The following MGAT4C variants were observed in gnomAD, a reference collection of about 807,000 sequenced individuals.
MGAT4C encodes the protein alpha-1,3-mannosyl-glycoprotein 4-beta-N-acetylglucosaminyltransferase C.
A neutral mutation model predicts 40.1 loss-of-function variants in MGAT4C; 19 were observed. The ratio of observed to expected loss-of-function variants is 0.47; its 90% confidence interval spans 0.33 to 0.70. The LOEUF (loss-of-function observed/expected upper bound fraction) is 0.70. Ranked by LOEUF, MGAT4C falls within the 30% of genes least tolerant of loss-of-function variation. The pLI, the probability that MGAT4C is intolerant of heterozygous loss-of-function variation, is 0.02. For missense variants in MGAT4C, 491 were observed against 563.2 expected (o/e 0.87, Z 1.30); for synonymous variants, 181 against 187.1 (o/e 0.97, Z 0.27).
At chr12:86,563,886 A>G (rs1959975714) in intron 2 of MGAT4C, among the ~76,000 whole-genome samples, 1 of 152,162 alleles carries the variant, frequency 6.6e-6, no homozygotes, top group Non-Finnish European at 1.5e-5. Flanking sequence ...CCAGTGCCAG[A>G]ATGCATAATT....
chr12:86,112,322 C>A (rs1012006512), intron 1 of MGAT4C, among the ~76,000 whole-genome samples: 1 of 151,096 alleles, frequency 6.6e-6, no homozygotes, highest in Non-Finnish European at 1.5e-5. Context: ...CCCCCCCACC[C>A]TTTTTTTTGT....
At chr12:86,089,711 A>C (rs1872541612) in intron 1 of MGAT4C, among the ~76,000 whole-genome samples, 1 of 150,540 alleles carries the variant, frequency 6.6e-6, no homozygotes, top group Non-Finnish European at 1.5e-5. Flanking sequence ...ATTAATAACC[A>C]TTTTTTTTGC....
At chr12:86,452,240 G>T (rs969029607) in intron 2 of MGAT4C, among the ~76,000 whole-genome samples, 1 of 150,638 alleles carries the variant, frequency 6.6e-6, no homozygotes, top group South Asian at 2.1e-4. Context: ...GAGTTCTAGG[G>T]TACATGTGCA....
intron 2 of MGAT4C, among the ~76,000 whole-genome samples, chr12:86,720,686 C>T (rs553411257): frequency 6.6e-5 from 10 of 152,164 alleles, no homozygotes; most frequent in South Asian, 4.1e-4. Context: ...ACATGATTTA[C>T]GACCTTAAGG....
chr12:86,747,976 T>A (rs568698719), intron 1 of MGAT4C, among the ~76,000 whole-genome samples: 1 of 151,690 alleles, frequency 6.6e-6, no homozygotes, highest in Non-Finnish European at 1.5e-5. Context: ...ACAATTAATG[T>A]CAAGAAAGCT....
At chr12:86,517,975 A>C (rs1220668105) in intron 2 of MGAT4C, among the ~76,000 whole-genome samples, 2 of 152,022 alleles carry the variant, frequency 1.3e-5, no homozygotes, top group Non-Finnish European at 2.9e-5. Flanking sequence ...TGGTGGTGAG[A>C]CAGTGGGGTA....
chr12:86,020,575 A>C (rs991689855), intron 2 of MGAT4C, among the ~76,000 whole-genome samples: 1 of 152,204 alleles, frequency 6.6e-6, no homozygotes, highest in Non-Finnish European at 1.5e-5. Flanking sequence ...CACTTTACAC[A>C]AACATTAATT....
chr12:85,995,662 C>T (rs911633869), intron 2 of MGAT4C, among the ~76,000 whole-genome samples: 3 of 152,060 alleles, frequency 2.0e-5, no homozygotes, highest in African/African-American at 7.2e-5. Flanking sequence ...GAGCCCAGGA[C>T]ATTGAGACCA....
chr12:86,769,515 G>A (rs570503054), intron 1 of MGAT4C, among the ~76,000 whole-genome samples: 2 of 152,142 alleles, frequency 1.3e-5, no homozygotes, highest in Non-Finnish European at 2.9e-5. Flanking sequence ...CCGTTATTGG[G>A]TATATACCCA....
intron 1 of MGAT4C, among the ~76,000 whole-genome samples, chr12:86,736,287 T>C: frequency 6.6e-6 from 1 of 151,756 alleles, no homozygotes; most frequent in Admixed American, 6.6e-5. Flanking sequence ...ATATGTCTTA[T>C]AATTTTCTAT....
chr12:86,018,322 C>T (rs1889301079), intron 2 of MGAT4C, among the ~76,000 whole-genome samples: 1 of 152,188 alleles, frequency 6.6e-6, no homozygotes, highest in South Asian at 2.1e-4. Context: ...CAGTAAATTA[C>T]ATTCCCCAAA....
chr12:86,450,512 T>C (rs1465728792), intron 2 of MGAT4C, among the ~76,000 whole-genome samples: 1 of 152,150 alleles, frequency 6.6e-6, no homozygotes, highest in African/African-American at 2.4e-5. Context: ...ATTTTTACCA[T>C]AGTTCAATTT....
chr12:86,791,277 TCAA>T (rs1478599815), intron 1 of MGAT4C, among the ~76,000 whole-genome samples: 4 of 152,086 alleles, frequency 2.6e-5, no homozygotes, highest in Non-Finnish European at 5.9e-5. Flanking sequence ...AAGGAGCTAC[TCAA>T]CAACAACTAG....
chr12:86,774,411 C>T (rs1215327205), intron 1 of MGAT4C, among the ~76,000 whole-genome samples: 1 of 149,084 alleles, frequency 6.7e-6, no homozygotes, highest in Non-Finnish European at 1.5e-5. Context: ...CTCTCTCTCT[C>T]TCTCTCTCTC....
rs1950139172 is a variant in MGAT4C, at chr12:86,203,765, C to A, written c.-57+52474G>T. Among the ~76,000 whole-genome samples the A allele has an allele frequency of 2.0e-5, 3 of 151,678 alleles. 1 individual carries two copies. The South Asian group carries it at 6.2e-4, about 31-fold the overall frequency. Reference sequence around the variant, plus strand: ...CTGAGGTCAGGAGTTTGAGACCAGACTGACCAACGTGGTGAAACCCCGTCT... The same window carrying A: ...CTGAGGTCAGGAGTTTGAGACCAGAATGACCAACGTGGTGAAACCCCGTCT... On this transcript the variant is annotated intron_variant, in intron 1 of 4. Transcript: ENST00000611864.
intron 1 of MGAT4C, among the ~76,000 whole-genome samples, chr12:86,174,667 A>T (rs1887205432): frequency 6.6e-6 from 1 of 152,176 alleles, no homozygotes; most frequent in African/African-American, 2.4e-5. Context: ...CAATATCAAA[A>T]CATTCTTAAT....
At chr12:86,706,368 C>T (rs1198118501) in intron 2 of MGAT4C, among the ~76,000 whole-genome samples, 1 of 152,054 alleles carries the variant, frequency 6.6e-6, no homozygotes, top group East Asian at 1.9e-4. Context: ...GAATGTTCAA[C>T]AAATAATAAG....
chr12:85,964,012 A>G lies in MGAT4C; in HGVS notation c.*15277T>C, dbSNP rs1453071787. On this transcript the variant is annotated 3_prime_UTR_variant, in exon 5 of 5. Coordinates refer to ENST00000611864, the MANE Select transcript of MGAT4C (RefSeq NM_001351288.2). ...TATGTTTGCCTAGTTCTCAGATTAC[A>G]ACTATGATGATAATTTAGATAAACA... The G allele has an allele frequency of 6.6e-6, 1 of 152,070 alleles. No individual in the cohort carries two copies. Among genetic ancestry groups the G allele is most frequent in the Non-Finnish European group, 1.5e-5 (1 of 67,946 alleles). The allele number at this position is 152,070 out of a possible 1,614,324, so 9.4% of individuals were successfully genotyped here.
chr12:86,048,211 A>G (rs1051761875), intron 2 of MGAT4C, among the ~76,000 whole-genome samples: 1 of 152,172 alleles, frequency 6.6e-6, no homozygotes, highest in East Asian at 1.9e-4. Flanking sequence ...ACAAAGGAAC[A>G]GAAAACCAAA....
Sources: allele counts gnomAD v4.1 joint callset (sites outside exome capture counted in the v4.1 genomes callset), GRCh38; gene constraint gnomAD v4.1.1; transcripts MANE v1.5; gene names NCBI Gene and HGNC (gene_info 2026-07-23, HGNC 2026-07-21).